AATK: variants seen among roughly 807,000 people sequenced by gnomAD.
The protein encoded by AATK is lemur tail kinase 1, also known as serine/threonine-protein kinase LMTK1.
In AATK, 91 loss-of-function variants were observed where a neutral mutation model predicts 114.3. That is an observed-to-expected ratio of 0.80 (90% CI 0.67 to 0.95). The LOEUF (loss-of-function observed/expected upper bound fraction) is 0.95, where lower values mean the gene tolerates loss of function less well. Ranked by LOEUF, AATK falls within the 40% of genes least tolerant of loss-of-function variation. The pLI, the probability that AATK is intolerant of heterozygous loss-of-function variation, is 0.00. For synonymous variants in AATK, 1,075 were observed against 916.5 expected (o/e 1.17, Z -3.12); for missense variants, 2,176 against 1,965.2 (o/e 1.11, Z -2.03).
chr17:81,160,182 C>T (rs1269000749), intron 1 of AATK: 1 of 857,290 alleles, frequency 1.2e-6, no homozygotes, highest in Non-Finnish European at 1.4e-6. Flanking sequence ...CGGCCCCCAC[C>T]CCCAGGCTGG....
chr17:81,122,023 A>G lies in AATK; in HGVS notation c.1913T>C (p.Phe638Ser), dbSNP rs541794558. The change falls in exon 11 of 14, where the codon TTC becomes TCC. Residue 638 changes from phenylalanine to serine, a missense_variant. Phe to Ser is a radical substitution (Grantham distance 155, BLOSUM62 -2). Coordinates refer to ENST00000326724, the MANE Select transcript of AATK (RefSeq NM_001080395.3). ...GGACGTGCCCAGTGGGTCCTCGAAG[A>G]AGGCAGGACAGAAGGCGGCCACGCC... ...DWGVAAFCPA[F>S]FEDPLGTSPL... The G allele has an allele frequency of 1.9e-4, 298 of 1,600,524 alleles. No individual in the cohort carries two copies. Among genetic ancestry groups the G allele is most frequent in the Non-Finnish European group, 2.3e-4 (272 of 1,179,196 alleles).
intron 1 of AATK, among the ~76,000 whole-genome samples, chr17:81,147,360 C>CAA (rs59460030): frequency 0.025 from 1,382 of 54,842 alleles, 47 homozygotes; most frequent in African/African-American, 0.082. Flanking sequence ...GACTCCATCT[C>CAA]AAAAAAAAAA....
intron 3 of AATK, 24 bp downstream of exon 3, chr17:81,131,037 C>A (rs971649367): frequency 1.3e-6 from 2 of 1,544,908 alleles, no homozygotes; most frequent in Non-Finnish European, 8.7e-7. Flanking sequence ...GGGAGGCCAC[C>A]CCATCTCCCC....
chr17:81,143,284 G>C (rs766381537), intron 1 of AATK, among the ~76,000 whole-genome samples: 47 of 152,058 alleles, frequency 3.1e-4, no homozygotes, highest in Non-Finnish European at 1.3e-4. Flanking sequence ...CGGGACCCTG[G>C]AGTCCCAGGA....
chr17:81,137,177 G>A (rs1029698203), intron 1 of AATK, among the ~76,000 whole-genome samples: 11 of 151,584 alleles, frequency 7.3e-5, no homozygotes, highest in Admixed American at 2.6e-4. Context: ...AGAATTGCTC[G>A]AACCCAGGAG....
At chr17:81,140,341 C>T (rs1322145138) in intron 1 of AATK, among the ~76,000 whole-genome samples, 1 of 152,224 alleles carries the variant, frequency 6.6e-6, no homozygotes, top group Non-Finnish European at 1.5e-5. Context: ...CCTTTTCATT[C>T]CAATGAGCTG....
At chr17:81,148,987 G>A (rs994109806) in intron 1 of AATK, among the ~76,000 whole-genome samples, 3 of 152,170 alleles carry the variant, frequency 2.0e-5, no homozygotes. Flanking sequence ...GGGGGTGGAG[G>A]TGCCTTGGCC....
Position 81,121,085 on chromosome 17 carries a change from G to C in AATK, c.2851C>G (p.Leu951Val). ...TCACACCCTTCCTGCGCCTCCTTGAGCACAAACTCAGGGGACTCATAGTTC... is the reference window on the plus strand; with the variant it reads ...TCACACCCTTCCTGCGCCTCCTTGACCACAAACTCAGGGGACTCATAGTTC... The part of the protein sequence containing the change: ...TENYESPEFV[L>V]KEAQEGCEPQ... Residue 951 changes from leucine to valine, a missense_variant, in exon 11 of 14, where the codon CTC (leucine) becomes GTC (valine). This residue lies in a region of AATK where 1,701 missense variants were observed against 1,394.7 expected (regional missense o/e 1.22). Coordinates refer to ENST00000326724, the MANE Select transcript of AATK (RefSeq NM_001080395.3). 6.2e-7 allele frequency: 1 copy of C among 1,606,362 alleles called. No individual in the cohort carries two copies. The highest frequency in any genetic ancestry group is 1.1e-5 in the South Asian group (1 of 90,274).
At chr17:81,131,428 G>T (rs2060930012) in intron 2 of AATK, among the ~76,000 whole-genome samples, 1 of 152,172 alleles carries the variant, frequency 6.6e-6, no homozygotes, top group Non-Finnish European at 1.5e-5. Flanking sequence ...CCCCCGACCA[G>T]AGGCTCAGTT....
chr17:81,125,362 G>T, intron 7 of AATK: 1 of 642,646 alleles, frequency 1.6e-6, no homozygotes, highest in Non-Finnish European at 3.0e-6. Flanking sequence ...TCTCCTCCTA[G>T]CTCTACTACA....
rs2060774846 is a variant in AATK, at chr17:81,124,797, C to T, written c.892G>A (p.Ala298Thr). The part of the protein sequence containing the change: ...DQLWVPLRWI[A>T]PELVDEVHSN... Reference sequence around the variant, plus strand: ...TGCACCTCGTCCACCAGCTCTGGCGCGATCCAGCGCAGAGGCACCCACAGC... The same window carrying T: ...TGCACCTCGTCCACCAGCTCTGGCGTGATCCAGCGCAGAGGCACCCACAGC... Residue 298 changes from alanine to threonine, a missense_variant, in exon 9 of 14, where the codon GCG (alanine) becomes ACG (threonine). Physicochemically the swap from Ala to Thr is moderately conservative, Grantham distance 58. Transcript: ENST00000326724. 3 of 1,612,670 alleles carry T rather than the reference C, an allele frequency of 1.9e-6. No homozygotes were observed. The highest frequency in any genetic ancestry group is 2.5e-6 in the Non-Finnish European group (3 of 1,179,756).
At chr17:81,132,721 T>C (rs753156815) in intron 2 of AATK, 18 of 297,606 alleles carry the variant, frequency 6.0e-5, no homozygotes, top group African/African-American at 2.2e-4. Flanking sequence ...AGGGTCAGCA[T>C]TGGGGGCCTG....
At position 81,121,629 on chromosome 17, in the gene AATK, G is replaced by C; in HGVS notation, c.2307C>G (p.Ala769=). 5.4e-6 allele frequency: 8 copies of C among 1,492,666 alleles called. No individual in the cohort carries two copies. Among genetic ancestry groups the C allele is most frequent in the Non-Finnish European group, 7.1e-6 (8 of 1,123,328 alleles). 92.5% of individuals were successfully genotyped at this position (1,492,666 alleles called of 1,614,324 possible). A position where few individuals can be genotyped will look rare whatever the true frequency, so the allele number is the denominator to read the frequency against. The change falls in exon 11 of 14, where the codon GCC becomes GCG. Residue 769 remains alanine, a synonymous_variant. Coordinates refer to ENST00000326724, the MANE Select transcript of AATK (RefSeq NM_001080395.3). ...CCTGCGGGTGGTCACCCCCACTACT[G>C]GCTGTCTCTGTCCAGGAGGGTGTAA... ...CLVTPSWTET[A]SSGGDHPQAE... is the part of the protein sequence containing the mutation.
chr17:81,147,363 A>C (rs1182516953), intron 1 of AATK, among the ~76,000 whole-genome samples: 1 of 150,760 alleles, frequency 6.6e-6, no homozygotes, highest in Non-Finnish European at 1.5e-5. Flanking sequence ...TCCATCTCAA[A>C]AAAAAAAAAA....
rs1157052102 is a variant in AATK, at chr17:81,117,297, TC to T, written c.*1104del. The stretch of plus-strand genomic sequence containing the variant: ...CCTCAGAAGACAACACACAAAGGTT[TC>T]TTTTGTCTTAGCTTCATTTCTCTTA... On this transcript the variant is annotated 3_prime_UTR_variant, in exon 14 of 14. Coordinates refer to ENST00000326724, the MANE Select transcript of AATK (RefSeq NM_001080395.3). 1 of 152,248 alleles carries T rather than the reference TC, an allele frequency of 6.6e-6. No homozygotes were observed. The highest frequency in any genetic ancestry group is 1.9e-4 in the East Asian group (1 of 5,194). 9.4% of individuals were successfully genotyped at this position (152,248 alleles called of 1,614,324 possible). A position where few individuals can be genotyped will look rare whatever the true frequency, so the allele number is the denominator to read the frequency against.
chr17:81,144,213 C>T (rs2061183054), intron 1 of AATK, among the ~76,000 whole-genome samples: 1 of 152,252 alleles, frequency 6.6e-6, no homozygotes, highest in South Asian at 2.1e-4. Context: ...ACAGACCCAG[C>T]CTGGCCCACA....
chr17:81,138,651 ACC>A (rs1223493219), intron 1 of AATK, among the ~76,000 whole-genome samples: 1 of 101,188 alleles, frequency 9.9e-6, no homozygotes, highest in East Asian at 9.5e-4. Flanking sequence ...ATCCACACAT[ACC>A]CACACACATA....
rs764846648 is a variant in AATK at position 81,121,515 on chromosome 17, G to A, written c.2421C>T (p.Ala807=). The change falls in exon 11 of 14, where the codon GCC becomes GCT. Residue 807 remains alanine, a synonymous_variant. Transcript: ENST00000326724. The part of the protein sequence containing the change: ...PSVPSPSQEG[A]PLPSEEASAP... ...CACTGGCCTCCTCCGAGGGAAGTGGGGCTCCCTCCTGGGATGGGGAGGGGA... is the reference window on the plus strand; with the variant it reads ...CACTGGCCTCCTCCGAGGGAAGTGGAGCTCCCTCCTGGGATGGGGAGGGGA... 2 of 1,548,166 alleles carry A rather than the reference G, an allele frequency of 1.3e-6. No homozygotes were observed. The highest frequency in any genetic ancestry group is 2.5e-5 in the South Asian group (2 of 80,686).
chr17:81,138,189 G>GCACA (rs372977695), intron 1 of AATK, among the ~76,000 whole-genome samples: 1 of 140,544 alleles, frequency 7.1e-6, no homozygotes, highest in Non-Finnish European at 1.5e-5. Flanking sequence ...ACACATGCGT[G>GCACA]CACACACACA....
Sources: allele counts gnomAD v4.1 joint callset (sites outside exome capture counted in the v4.1 genomes callset), GRCh38; gene constraint gnomAD v4.1.1; regional missense constraint gnomAD v4.1.1; transcripts MANE v1.5; gene names NCBI Gene and HGNC (gene_info 2026-07-23, HGNC 2026-07-21).